Variants in NMNAT3 observed in about 807,000 individuals in gnomAD.
NMNAT3 encodes nicotinamide/nicotinic acid mononucleotide adenylyltransferase 3.
A neutral mutation model predicts 24.8 loss-of-function variants in NMNAT3; 21 were observed. That is an observed-to-expected ratio of 0.85 (90% CI 0.60 to 1.22). The LOEUF (loss-of-function observed/expected upper bound fraction) is 1.22. Among genes scored for constraint, NMNAT3 ranks in the 50% most tolerant of loss-of-function variants. NMNAT3 has a pLI of 0.00. For missense variants in NMNAT3, 387 were observed against 436.6 expected, an observed-to-expected ratio of 0.89 and a Z score of 1.01; for synonymous variants, 136 against 155.2, an observed-to-expected ratio of 0.88 and a Z score of 0.92.
chr3:139,638,796 T>C (rs550775595), intron 1 of NMNAT3, among the ~76,000 whole-genome samples: 36 of 152,290 alleles, frequency 2.4e-4, no homozygotes, highest in Admixed American at 6.5e-4. Context: ...GCTGATTCCC[T>C]GCTTAATCCC....
chr3:139,673,304 C>T (rs548260714), intron 1 of NMNAT3, among the ~76,000 whole-genome samples: 1 of 152,248 alleles, frequency 6.6e-6, no homozygotes, highest in East Asian at 1.9e-4. Context: ...AGACAACATC[C>T]GAGGAGGAGC....
At chr3:139,632,237 C>T (rs183811626) in intron 2 of NMNAT3, among the ~76,000 whole-genome samples, 1 of 152,250 alleles carries the variant, frequency 6.6e-6, no homozygotes, top group East Asian at 1.9e-4. Context: ...ATGGAATGAG[C>T]CTTCCAGAGA....
chr3:139,617,385 A>G (rs1018140099), intron 3 of NMNAT3, among the ~76,000 whole-genome samples: 1 of 152,186 alleles, frequency 6.6e-6, no homozygotes, highest in Non-Finnish European at 1.5e-5. Flanking sequence ...ATGGATTCTG[A>G]GGCAAACTGG....
At chr3:139,610,851 G>T (rs2055178314) in intron 3 of NMNAT3, among the ~76,000 whole-genome samples, 1 of 152,086 alleles carries the variant, frequency 6.6e-6, no homozygotes, top group Non-Finnish European at 1.5e-5. Flanking sequence ...AATCACCAAG[G>T]TAGCAAAAGT....
At chr3:139,625,556 A>G (rs2056014162) in intron 3 of NMNAT3, among the ~76,000 whole-genome samples, 1 of 152,196 alleles carries the variant, frequency 6.6e-6, no homozygotes. Flanking sequence ...AAGTGATGTT[A>G]TACCACTTTA....
At chr3:139,572,802 T>C (rs1382261916) in intron 6 of NMNAT3, among the ~76,000 whole-genome samples, 1 of 152,214 alleles carries the variant, frequency 6.6e-6, no homozygotes, top group Non-Finnish European at 1.5e-5. Context: ...ATGGACATAG[T>C]AAAGGCTCTA....
rs1381670724 is a variant in NMNAT3, at chr3:139,583,081, A to T, written c.237T>A (p.Pro79=). 3.3e-5 allele frequency: 52 copies of T among 1,594,844 alleles called. No individual in the cohort carries two copies. Among genetic ancestry groups the T allele is most frequent in the Non-Finnish European group, 4.4e-5 (51 of 1,166,094 alleles). The change falls in exon 4 of 7, where the codon CCT becomes CCA. Residue 79 remains proline (P), a synonymous_variant. Coordinates refer to ENST00000643695, the MANE Select transcript of NMNAT3 (RefSeq NM_001320510.2). ...TTTTGCGTTTAAAAGATGACTTGTC[A>T]GGGTCATCATTTTTGCTGCTAACAT...
At chr3:139,574,992 G>A (rs886550920) in intron 5 of NMNAT3, among the ~76,000 whole-genome samples, 1 of 152,168 alleles carries the variant, frequency 6.6e-6, no homozygotes, top group Non-Finnish European at 1.5e-5. Context: ...CTGCCCCAGA[G>A]AGCTGGTGTG....
chr3:139,576,469 A>C (rs917353630), intron 5 of NMNAT3, among the ~76,000 whole-genome samples: 1 of 152,110 alleles, frequency 6.6e-6, no homozygotes, highest in Non-Finnish European at 1.5e-5. Context: ...GACAAATCAA[A>C]ATCTCTGGGG....
intron 3 of NMNAT3, chr3:139,599,601 C>T: frequency 1.7e-6 from 1 of 587,524 alleles, no homozygotes; most frequent in East Asian, 2.8e-5. Flanking sequence ...CATGCCTTTA[C>T]AAACAGACTG....
chr3:139,575,873 T>C, intron 5 of NMNAT3: 1 of 1,261,288 alleles, frequency 7.9e-7, no homozygotes, highest in South Asian at 1.3e-5. Flanking sequence ...GTTCCCAGCC[T>C]GCAGATCCCT....
chr3:139,633,382 G>A (rs1486407199), intron 2 of NMNAT3, among the ~76,000 whole-genome samples: 1 of 151,936 alleles, frequency 6.6e-6, no homozygotes, highest in African/African-American at 2.4e-5. Flanking sequence ...GTTTCTCCAT[G>A]TTGGTCAGGC....
chr3:139,677,115 G>GTT (rs1559985606), intron 1 of NMNAT3, among the ~76,000 whole-genome samples: 2 of 152,116 alleles, frequency 1.3e-5, no homozygotes, highest in Non-Finnish European at 2.9e-5. Flanking sequence ...TTCCCCGCCC[G>GTT]GGAATTCTCT....
At chr3:139,662,521 C>A (rs1416555740) in intron 1 of NMNAT3, among the ~76,000 whole-genome samples, 2 of 152,146 alleles carry the variant, frequency 1.3e-5, no homozygotes. Context: ...TAGGCAGTAG[C>A]ATTAGGGTGA....
chr3:139,661,249 C>T (rs1372915483), intron 1 of NMNAT3, among the ~76,000 whole-genome samples: 1 of 152,158 alleles, frequency 6.6e-6, no homozygotes, highest in African/African-American at 2.4e-5. Flanking sequence ...AGCCTGTTCC[C>T]AAGATTTGCC....
chr3:139,567,476 G>C (rs1937422563), intron 6 of NMNAT3: 2 of 152,162 alleles, frequency 1.3e-5, no homozygotes, highest in Admixed American at 6.5e-5. Context: ...TGCCCATTCA[G>C]TATGATATTG....
intron 1 of NMNAT3, among the ~76,000 whole-genome samples, chr3:139,648,430 T>G (rs532393438): frequency 1.7e-4 from 26 of 152,326 alleles, no homozygotes; most frequent in African/African-American, 6.3e-4. Flanking sequence ...CTCCCAGTTC[T>G]GGGCAGCGTC....
chr3:139,655,659 C>T (rs777589392), intron 1 of NMNAT3, among the ~76,000 whole-genome samples: 3 of 152,108 alleles, frequency 2.0e-5, no homozygotes, highest in Non-Finnish European at 2.9e-5. Flanking sequence ...ACTAAAGTGC[C>T]CGAGCCACAG....
intron 3 of NMNAT3, among the ~76,000 whole-genome samples, chr3:139,610,741 C>G (rs1368700452): frequency 1.3e-5 from 2 of 152,190 alleles, no homozygotes; most frequent in Non-Finnish European, 2.9e-5. Flanking sequence ...ATAGAATTAT[C>G]ATAGCTTAAT....
Sources: gnomAD v4.1 joint callset for allele counts (sites outside exome capture counted in the v4.1 genomes callset) on GRCh38, gnomAD v4.1.1 for gene constraint, MANE v1.5 for transcripts, NCBI Gene and HGNC (gene_info 2026-07-23, HGNC 2026-07-21) for gene names.